COL21A1: variants seen among roughly 807,000 people sequenced by gnomAD.
COL21A1 encodes the protein collagen alpha-1(XXI) chain.
A neutral mutation model predicts 137.9 loss-of-function variants in COL21A1; 149 were observed. The observed-to-expected ratio is 1.08, with a 90% CI of 0.95 to 1.24. The LOEUF is 1.24. Ranked by LOEUF, COL21A1 falls within the 50% of genes most tolerant of loss-of-function variation. The pLI is 0.00. For missense variants in COL21A1, 1,167 were observed against 1,158.4 expected, an observed-to-expected ratio of 1.01 and a Z score of -0.11; for synonymous variants, 456 against 391.5, an observed-to-expected ratio of 1.16 and a Z score of -1.95.
At chr6:56,080,457 T>C (rs986654108) in intron 17 of COL21A1, among the ~76,000 whole-genome samples, 2 of 151,792 alleles carry the variant, frequency 1.3e-5, no homozygotes, top group Non-Finnish European at 2.9e-5. Context: ...TTGTTAAGAA[T>C]AGAAATACAT....
chr6:56,186,287 T>C (rs1778293887), intron 1 of COL21A1, among the ~76,000 whole-genome samples: 1 of 152,088 alleles, frequency 6.6e-6, no homozygotes, highest in Admixed American at 6.5e-5. Flanking sequence ...CATCAAAAGT[T>C]CCTAACAAAA....
chr6:56,115,587 A>G (rs1394104830), intron 16 of COL21A1, among the ~76,000 whole-genome samples: 1 of 152,130 alleles, frequency 6.6e-6, no homozygotes, highest in Non-Finnish European at 1.5e-5. Context: ...CACTACAATA[A>G]AGACCTAACT....
At chr6:56,386,365 T>C (rs953716620) in intron 1 of COL21A1, among the ~76,000 whole-genome samples, 1 of 152,246 alleles carries the variant, frequency 6.6e-6, no homozygotes, top group African/African-American at 2.4e-5. Context: ...ATGTGAATAG[T>C]GCTGCTATAC....
In COL21A1 at chr6:56,179,848, G is replaced by A; in HGVS notation, c.370C>T (p.Leu124Phe). ...TKTGKAIQFALDYLFAKSSRF... is the reference protein window; with the variant it reads ...TKTGKAIQFAFDYLFAKSSRF... The stretch of plus-strand genomic sequence containing the variant: ...GAGGACTTGGCAAAAAGGTAATCGA[G>A]CGCAAACTGGATGGCCTTCCCTGTC... Residue 124 changes from leucine to phenylalanine, a missense_variant, in exon 3 of 30, where the codon CTC becomes TTC. Leu to Phe is a conservative substitution (Grantham distance 22). Transcript: ENST00000244728. 2 of 1,613,932 alleles carry A rather than the reference G, an allele frequency of 1.2e-6. No individual in the cohort carries two copies. Among genetic ancestry groups the A allele is most frequent in the Non-Finnish European group, 1.7e-6 (2 of 1,179,868 alleles).
intron 1 of COL21A1, among the ~76,000 whole-genome samples, chr6:56,339,166 C>T (rs1013042775): frequency 6.6e-6 from 1 of 152,120 alleles, no homozygotes; most frequent in African/African-American, 2.4e-5. Flanking sequence ...GTGAATGGAA[C>T]CCAGACCTGG....
chr6:56,231,348 TAAC>T (rs1050735311), intron 1 of COL21A1, among the ~76,000 whole-genome samples: 1 of 151,904 alleles, frequency 6.6e-6, no homozygotes, highest in Non-Finnish European at 1.5e-5. Flanking sequence ...TTCAGTTCGG[TAAC>T]AGCAACTTTT....
At chr6:56,222,620 G>A (rs1176360741) in intron 1 of COL21A1, among the ~76,000 whole-genome samples, 3 of 152,110 alleles carry the variant, frequency 2.0e-5, no homozygotes, top group Non-Finnish European at 4.4e-5. Context: ...ATTTAAATCA[G>A]TTGAGTAGGA....
intron 1 of COL21A1, among the ~76,000 whole-genome samples, chr6:56,240,740 C>T (rs1782250643): frequency 6.6e-6 from 1 of 152,192 alleles, no homozygotes; most frequent in Non-Finnish European, 1.5e-5. Flanking sequence ...CTTTTCTAAG[C>T]TTCCAGCATC....
intron 1 of COL21A1, among the ~76,000 whole-genome samples, chr6:56,228,198 G>T (rs4715594): frequency 0.46 from 69,012 of 151,628 alleles, 16,414 homozygotes; most frequent in East Asian, 0.69. Flanking sequence ...TTAGCAGAGA[G>T]AAACATATTC....
chr6:56,304,968 T>A (rs979065139), intron 1 of COL21A1, among the ~76,000 whole-genome samples: 2 of 152,208 alleles, frequency 1.3e-5, no homozygotes, highest in African/African-American at 4.8e-5. Context: ...ACATCTTTAT[T>A]TCTGCCTTCA....
At chr6:56,096,236 TC>T (rs1307919692) in intron 17 of COL21A1, among the ~76,000 whole-genome samples, 4 of 151,718 alleles carry the variant, frequency 2.6e-5, no homozygotes, top group African/African-American at 9.7e-5. Flanking sequence ...CCTTTCAGGC[TC>T]CCCCCATACC....
intron 1 of COL21A1, among the ~76,000 whole-genome samples, chr6:56,219,691 C>G (rs1780709930): frequency 6.6e-6 from 1 of 152,134 alleles, no homozygotes; most frequent in African/African-American, 2.4e-5. Flanking sequence ...TGATGATACA[C>G]ATCAATTATC....
At chr6:56,314,564 CT>C (rs1256579804) in intron 1 of COL21A1, among the ~76,000 whole-genome samples, 1 of 152,054 alleles carries the variant, frequency 6.6e-6, no homozygotes, top group Non-Finnish European at 1.5e-5. Context: ...AATCTTGGAG[CT>C]TTTTTCCTCA....
intron 10 of COL21A1, among the ~76,000 whole-genome samples, chr6:56,152,675 A>AT (rs35521529): frequency 0.073 from 10,902 of 149,550 alleles, 426 homozygotes; most frequent in Middle Eastern, 0.13. Context: ...GCATGGGAAG[A>AT]TTTTTTTTTT....
chr6:56,379,683 A>G (rs1244058430), intron 1 of COL21A1, among the ~76,000 whole-genome samples: 4 of 152,180 alleles, frequency 2.6e-5, no homozygotes, highest in Admixed American at 6.5e-5. Flanking sequence ...ATCCCCAAGT[A>G]CCAGACGTGG....
chr6:56,136,439 G>A (rs927374806), intron 12 of COL21A1, among the ~76,000 whole-genome samples: 2 of 152,084 alleles, frequency 1.3e-5, no homozygotes, highest in African/African-American at 4.8e-5. Context: ...CAAATATTTG[G>A]GGGAGTCACA....
At chr6:56,196,145 A>T (rs1249551846) in intron 1 of COL21A1, among the ~76,000 whole-genome samples, 2 of 152,196 alleles carry the variant, frequency 1.3e-5, no homozygotes, top group Non-Finnish European at 2.9e-5. Flanking sequence ...ATACCAAAAC[A>T]AAAGCATCTG....
chr6:56,199,901 A>AT (rs1389038446), intron 1 of COL21A1, among the ~76,000 whole-genome samples: 18 of 152,304 alleles, frequency 1.2e-4, no homozygotes, highest in Admixed American at 1.2e-3. Context: ...AGTTTGTGCC[A>AT]GAGACTAAAT....
At chr6:56,264,277 A>G (rs545765570) in intron 1 of COL21A1, among the ~76,000 whole-genome samples, 1 of 152,202 alleles carries the variant, frequency 6.6e-6, no homozygotes, top group Non-Finnish European at 1.5e-5. Context: ...GTCTTCATAC[A>G]TCAGTAGGAG....
Sources: gnomAD v4.1 joint callset for allele counts (sites outside exome capture counted in the v4.1 genomes callset) on GRCh38, gnomAD v4.1.1 for gene constraint, MANE v1.5 for transcripts, NCBI Gene and HGNC (gene_info 2026-07-23, HGNC 2026-07-21) for gene names.